The following CORO2B variants were observed in gnomAD, a reference collection of about 807,000 sequenced individuals.
CORO2B encodes coronin 2B.
CORO2B carries 26 observed loss-of-function variants against 58.8 expected under a neutral mutation model. The observed-to-expected ratio is 0.44, with a 90% CI of 0.32 to 0.61. The LOEUF is 0.61. Among genes scored for constraint, CORO2B ranks in the 20% least tolerant of loss-of-function variants. The probability of loss-of-function intolerance (pLI) is 0.04; values close to 1 mark genes in which losing one functional copy is unlikely to be tolerated. For synonymous variants in CORO2B, 242 were observed against 253.8 expected, an observed-to-expected ratio of 0.95 and a Z score of 0.44; for missense variants, 460 against 645.1, an observed-to-expected ratio of 0.71 and a Z score of 3.11.
intron 1 of CORO2B, among the ~76,000 whole-genome samples, chr15:68,581,622 C>G (rs1566977212): frequency 1.3e-5 from 2 of 152,216 alleles, no homozygotes; most frequent in Non-Finnish European, 2.9e-5. Flanking sequence ...AGGGCCTCTT[C>G]TGCTGAGCCT....
At chr15:68,621,153 C>G (rs2140251821) in intron 1 of CORO2B, among the ~76,000 whole-genome samples, 1 of 152,238 alleles carries the variant, frequency 6.6e-6, no homozygotes, top group South Asian at 2.1e-4. Context: ...ACCCTCAAGG[C>G]CATAAGCAAT....
the CORO2B span, among the ~76,000 whole-genome samples, chr15:68,572,664 A>T: frequency 6.6e-6 from 1 of 152,086 alleles, no homozygotes; most frequent in Non-Finnish European, 1.5e-5. Context: ...CATAATTTGC[A>T]TTTCAAAAAA....
intron 1 of CORO2B, among the ~76,000 whole-genome samples, chr15:68,604,808 T>A (rs1281607282): frequency 6.6e-6 from 1 of 152,136 alleles, no homozygotes; most frequent in Non-Finnish European, 1.5e-5. Flanking sequence ...TAGGAGAAAA[T>A]TAAGCAAGCT....
rs1243799820 is a variant in CORO2B at position 68,671,695 on chromosome 15, C to G, written c.217-23445C>G. ...CTTGCAGGCTGTTGGCCAGAGACCT[C>G]AGTCCCTCACACCTGGTCTCTCCAT... On this transcript the variant is annotated intron_variant, in intron 2 of 11. Coordinates refer to ENST00000261861, the MANE Select transcript of CORO2B (RefSeq NM_006091.5). Among the ~76,000 whole-genome samples the G allele has an allele frequency of 3.3e-5, 5 of 152,208 alleles. No individual in the cohort carries two copies. In the East Asian group the frequency reaches 9.6e-4, roughly 29 times the overall value.
chr15:68,650,482 C>T (rs763210391), intron 2 of CORO2B, among the ~76,000 whole-genome samples: 2 of 150,082 alleles, frequency 1.3e-5, no homozygotes, highest in Non-Finnish European at 3.0e-5. Context: ...CGTGATGGTG[C>T]GTGCCTGTAA....
chr15:68,548,450 A>G, the CORO2B span, among the ~76,000 whole-genome samples: 6 of 152,290 alleles, frequency 3.9e-5, no homozygotes, highest in African/African-American at 1.4e-4. Flanking sequence ...ACTGATTTCA[A>G]GCTGCCAACA....
At chr15:68,565,449 G>A in the CORO2B span, among the ~76,000 whole-genome samples, 1 of 151,288 alleles carries the variant, frequency 6.6e-6, no homozygotes, top group East Asian at 1.9e-4. Context: ...ACTCATTTCT[G>A]CTCCACAGGC....
At chr15:68,529,010 T>A in the CORO2B span, among the ~76,000 whole-genome samples, 1 of 152,224 alleles carries the variant, frequency 6.6e-6, no homozygotes, top group African/African-American at 2.4e-5. Context: ...CGGTGCAGAC[T>A]AATCCTAAAT....
the CORO2B span, among the ~76,000 whole-genome samples, chr15:68,542,510 T>G: frequency 0.016 from 2,469 of 152,350 alleles, 61 homozygotes; most frequent in African/African-American, 0.057. Context: ...AAGTACAAAT[T>G]TCTGTGTTAG....
chr15:68,653,235 T>C (rs547691989), intron 2 of CORO2B, among the ~76,000 whole-genome samples: 2 of 152,160 alleles, frequency 1.3e-5, no homozygotes, highest in Non-Finnish European at 2.9e-5. Flanking sequence ...CAGATGGGTA[T>C]TGAATGCCTG....
At chr15:68,610,687 A>G (rs1900227601) in intron 1 of CORO2B, among the ~76,000 whole-genome samples, 1 of 151,868 alleles carries the variant, frequency 6.6e-6, no homozygotes. Context: ...GATTTCACTT[A>G]TTAAAATGGC....
chr15:68,650,376 A>ATGGAG (rs1901602850), intron 2 of CORO2B, among the ~76,000 whole-genome samples: 5 of 19,026 alleles, frequency 2.6e-4, no homozygotes, highest in Non-Finnish European at 4.8e-4. Flanking sequence ...AAAAAAAAAA[A>ATGGAG]AAAAAAAAAA....
At chr15:68,543,244 C>A in the CORO2B span, among the ~76,000 whole-genome samples, 1 of 152,128 alleles carries the variant, frequency 6.6e-6, no homozygotes, top group African/African-American at 2.4e-5. Context: ...CAAGTCATGT[C>A]CCCTCTGGAG....
intron 2 of CORO2B, among the ~76,000 whole-genome samples, chr15:68,684,280 G>C (rs368365854): frequency 2.0e-5 from 3 of 152,206 alleles, no homozygotes; most frequent in African/African-American, 7.2e-5. Context: ...TATGTACATA[G>C]ATGACCCGCA....
intron 1 of CORO2B, among the ~76,000 whole-genome samples, chr15:68,621,920 C>A (rs1051902661): frequency 1.3e-5 from 2 of 151,948 alleles, no homozygotes; most frequent in African/African-American, 4.8e-5. Context: ...CCATGCCTGG[C>A]TAATTTTTCT....
chr15:68,550,221 TAC>T, the CORO2B span, among the ~76,000 whole-genome samples: 255 of 152,142 alleles, frequency 1.7e-3, 1 homozygote, highest in African/African-American at 5.9e-3. Flanking sequence ...AGCATGAAAA[TAC>T]AGAGTGGGTC....
intron 3 of CORO2B, among the ~76,000 whole-genome samples, chr15:68,695,606 G>A (rs1466970923): frequency 1.3e-5 from 2 of 152,144 alleles, no homozygotes; most frequent in African/African-American, 4.8e-5. Flanking sequence ...GGGAGAAAAG[G>A]AAGGAACTGG....
intron 1 of CORO2B, among the ~76,000 whole-genome samples, chr15:68,622,663 C>G (rs1224719418): frequency 6.6e-6 from 1 of 152,140 alleles, no homozygotes; most frequent in Non-Finnish European, 1.5e-5. Flanking sequence ...AAGATTCACC[C>G]CCACACCCCA....
chr15:68,563,151 A>C, the CORO2B span, among the ~76,000 whole-genome samples: 2 of 151,902 alleles, frequency 1.3e-5, no homozygotes, highest in Admixed American at 1.3e-4. Context: ...AAAGAAGAGC[A>C]AACTAAACCC....
Sources: gnomAD v4.1 joint callset for allele counts (sites outside exome capture counted in the v4.1 genomes callset) on GRCh38, gnomAD v4.1.1 for gene constraint, MANE v1.5 for transcripts, NCBI Gene and HGNC (gene_info 2026-07-23, HGNC 2026-07-21) for gene names.